Variants in SDK2 observed in about 807,000 individuals in gnomAD.
SDK2 encodes sidekick cell adhesion molecule 2.
Under a neutral mutation model 253.9 loss-of-function variants are expected in SDK2, and 105 were observed. That is an observed-to-expected ratio of 0.41 (90% CI 0.35 to 0.49). The LOEUF is 0.49. Ranked by LOEUF, SDK2 falls within the 20% of genes least tolerant of loss-of-function variation. The pLI, the probability that SDK2 is intolerant of heterozygous loss-of-function variation, is 0.06. For synonymous variants in SDK2, 1,249 were observed against 1,234.9 expected, an observed-to-expected ratio of 1.01 and a Z score of -0.24; for missense variants, 2,608 against 3,003.0, an observed-to-expected ratio of 0.87 and a Z score of 3.07.
intron 1 of SDK2, among the ~76,000 whole-genome samples, chr17:73,554,955 C>T: frequency 6.6e-6 from 1 of 152,340 alleles, no homozygotes; most frequent in East Asian, 1.9e-4. Flanking sequence ...CTTCAGGAGC[C>T]CTCGAGGTGC....
In SDK2 at chr17:73,379,518, C is replaced by T; in HGVS notation, c.4794G>A (p.Arg1598=). The change falls in exon 35 of 45, where the codon CGG becomes CGA. Residue 1598 remains arginine, a synonymous_variant. Transcript: ENST00000392650. The surrounding 1 kb of genome is among the most constrained non-coding windows in gnomAD (Gnocchi z 4.5). ...NLNKHRRYEI[R]MSVYNAVGEG... ...CACCCACAGCGTTGTACACGCTCAT[C>T]CGTATCTCGTACCGCCTGTGCTTGT... 6.2e-7 allele frequency: 1 copy of T among 1,612,612 alleles called. No individual in the cohort carries two copies.
Position 73,643,262 on chromosome 17 carries a change from G to A in SDK2, c.64+763C>T, listed in dbSNP as rs2046420557. On this transcript the variant is annotated intron_variant, in intron 1 of 44. Transcript: ENST00000392650. This position sits in a 1 kb window ranked among gnomAD's most constrained non-coding sequence, Gnocchi z 6.9. ...CTTCTCCACCGCGAGGCTGCTCCCGGCAGCCACAGGTCACAGCAGCGAGCG... is the reference window on the plus strand; with the variant it reads ...CTTCTCCACCGCGAGGCTGCTCCCGACAGCCACAGGTCACAGCAGCGAGCG... Among the ~76,000 whole-genome samples, 1 of 152,202 alleles carries A rather than the reference G, an allele frequency of 6.6e-6. No homozygotes were observed. The highest frequency in any genetic ancestry group is 1.5e-5 in the Non-Finnish European group (1 of 68,024).
Position 73,390,492 on chromosome 17 carries a change from G to A in SDK2, c.3998-11C>T. ...GTGTGATCTGGTAAGCTGTGGGAAG[G>A]AAGCACATGGCTATTATGGCAAGCA... On this transcript the variant is annotated splice_polypyrimidine_tract_variant and intron_variant, in intron 28 of 44. Transcript: ENST00000392650. 1 of 1,604,976 alleles carries A rather than the reference G, an allele frequency of 6.2e-7. No homozygotes were observed. The highest frequency in any genetic ancestry group is 8.5e-7 in the Non-Finnish European group (1 of 1,174,380).
intron 1 of SDK2, among the ~76,000 whole-genome samples, chr17:73,636,700 A>G (rs1599743676): frequency 7.7e-6 from 1 of 130,636 alleles, no homozygotes; most frequent in East Asian, 1.9e-4. Context: ...AAAAAAAAAA[A>G]AAAAAAGAAA....
At chr17:73,630,922 C>A (rs1318082566) in intron 1 of SDK2, among the ~76,000 whole-genome samples, 41 of 152,168 alleles carry the variant, frequency 2.7e-4, no homozygotes, top group Non-Finnish European at 4.4e-5. Context: ...TTGGTGGTTT[C>A]CAGCACTTTC....
At chr17:73,339,013 A>C in intron 44 of SDK2, 73 bp from the exon 45 acceptor site, 1 of 1,334,570 alleles carries the variant, frequency 7.5e-7, no homozygotes, top group Non-Finnish European at 1.1e-6. Context: ...GCCGGAAGGC[A>C]CAGGGCATTC....
rs2062963875 is a variant in SDK2, at chr17:73,395,470, C to T, written c.3355-78G>A. On this transcript the variant is annotated intron_variant, in intron 24 of 44. Coordinates refer to ENST00000392650, the MANE Select transcript of SDK2 (RefSeq NM_001144952.2). The surrounding 1 kb of genome is among the most constrained non-coding windows in gnomAD (Gnocchi z 4.3). Reference sequence around the variant, plus strand: ...CAGGGAGGAACTGCCCTGCTACCCTCTCCTCCAGGGCGCCTTCAGGGCTAT... The same window carrying T: ...CAGGGAGGAACTGCCCTGCTACCCTTTCCTCCAGGGCGCCTTCAGGGCTAT... 3 of 1,224,032 alleles carry T rather than the reference C, an allele frequency of 2.5e-6. No individual in the cohort carries two copies. Among genetic ancestry groups the T allele is most frequent in the Non-Finnish European group, 3.5e-6 (3 of 847,648 alleles). 75.8% of individuals were successfully genotyped at this position (1,224,032 alleles called of 1,614,324 possible).
At chr17:73,514,863 A>G (rs1046705339) in intron 1 of SDK2, among the ~76,000 whole-genome samples, 1 of 152,066 alleles carries the variant, frequency 6.6e-6, no homozygotes, top group Middle Eastern at 3.4e-3. Flanking sequence ...ACTGATTACC[A>G]CGGCCTCTTA....
At chr17:73,339,202 A>G (rs1291007419) in intron 44 of SDK2, among the ~76,000 whole-genome samples, 2 of 150,540 alleles carry the variant, frequency 1.3e-5, no homozygotes, top group Non-Finnish European at 3.0e-5. Flanking sequence ...TGATAGAATC[A>G]GAAGACCTGA....
In SDK2 at chr17:73,338,046, C is replaced by G; in HGVS notation, c.*541G>C. 5.4e-6 allele frequency: 1 copy of G among 186,286 alleles called. No individual in the cohort carries two copies. 11.5% of individuals were successfully genotyped at this position (186,286 alleles called of 1,614,324 possible). A position where few individuals can be genotyped will look rare whatever the true frequency, so the allele number is the denominator to read the frequency against. ...GGGCAGGGGGTCTGGATGAGGCTGT[C>G]CGATGCCTGCCAGCCACAGTGATGG... On this transcript the variant is annotated 3_prime_UTR_variant, in exon 45 of 45. Transcript: ENST00000392650. This position sits in a 1 kb window ranked among gnomAD's most constrained non-coding sequence, Gnocchi z 5.0.
rs369041008 is a variant in SDK2, at chr17:73,414,665, G to A, written c.2463C>T (p.Asn821=). 144 of 1,613,780 alleles carry A rather than the reference G, an allele frequency of 8.9e-5. No homozygotes were observed. The highest frequency in any genetic ancestry group is 4.5e-4 in the East Asian group (20 of 44,858). The change falls in exon 18 of 45, where the codon AAC becomes AAT. Residue 821 remains asparagine (N), a synonymous_variant. Transcript: ENST00000392650. The stretch of plus-strand genomic sequence containing the variant: ...GTACCTTGTAGCCCTGGTTGATGCC[G>A]TTGATGAACTGGGGGCTGGGGGCGT... The part of the protein sequence containing the change: ...TWNAPSPQFI[N]GINQGYKLIA...
chr17:73,401,911 G>T (rs538444048), intron 19 of SDK2, 35 bp downstream of exon 19: 8 of 1,500,106 alleles, frequency 5.3e-6, no homozygotes, highest in East Asian at 2.4e-5. Flanking sequence ...CTTGGGCGGG[G>T]GGGGGCAGAA....
chr17:73,454,609 G>A (rs549990512), intron 4 of SDK2, among the ~76,000 whole-genome samples: 77 of 152,336 alleles, frequency 5.1e-4, no homozygotes, highest in Non-Finnish European at 1.1e-3. Context: ...GTGGCTGTCC[G>A]GAAAGAGAGG....
chr17:73,525,145 G>A (rs2064115196), intron 1 of SDK2, among the ~76,000 whole-genome samples: 1 of 152,228 alleles, frequency 6.6e-6, no homozygotes, highest in Non-Finnish European at 1.5e-5. Flanking sequence ...GCGAGAGCTG[G>A]CCTTTGAGGC....
intron 24 of SDK2, 31 bp downstream of exon 24, chr17:73,398,004 G>C: frequency 6.2e-7 from 1 of 1,604,114 alleles, no homozygotes; most frequent in Non-Finnish European, 8.5e-7. Flanking sequence ...CTCATGGAGA[G>C]GTCCCACCCC....
chr17:73,404,992 C>A (rs12952457), intron 18 of SDK2, among the ~76,000 whole-genome samples: 1 of 151,198 alleles, frequency 6.6e-6, no homozygotes, highest in Non-Finnish European at 1.5e-5. Flanking sequence ...GTCACTTGAC[C>A]ACTCTGAGCC....
intron 16 of SDK2, among the ~76,000 whole-genome samples, chr17:73,416,973 C>A (rs2063187706): frequency 1.3e-5 from 2 of 152,010 alleles, no homozygotes; most frequent in African/African-American, 2.4e-5. Context: ...AATCACATGG[C>A]CTAGAAACAT....
intron 2 of SDK2, among the ~76,000 whole-genome samples, chr17:73,487,065 C>T (rs1379162590): frequency 6.6e-6 from 1 of 152,182 alleles, no homozygotes; most frequent in Non-Finnish European, 1.5e-5. Context: ...TCCCGAGTAG[C>T]TGGGACTACA....
intron 18 of SDK2, among the ~76,000 whole-genome samples, chr17:73,405,921 C>T (rs1429309125): frequency 6.6e-6 from 1 of 151,710 alleles, no homozygotes; most frequent in Non-Finnish European, 1.5e-5. Context: ...AACGGGGTTT[C>T]ACTGTGTTAG....
Sources: allele counts gnomAD v4.1 joint callset (sites outside exome capture counted in the v4.1 genomes callset), GRCh38; gene constraint gnomAD v4.1.1; non-coding constraint Gnocchi (gnomAD v3.1); transcripts MANE v1.5; gene names NCBI Gene and HGNC (gene_info 2026-07-23, HGNC 2026-07-21).